FOCAD: variants seen among roughly 807,000 people sequenced by gnomAD.
FOCAD encodes KIAA1797.
Under a neutral mutation model 225.6 loss-of-function variants are expected in FOCAD, and 198 were observed. The observed-to-expected ratio is 0.88, with a 90% confidence interval of 0.78 to 0.99. The LOEUF (loss-of-function observed/expected upper bound fraction) is 0.99, where lower values mean the gene tolerates loss of function less well. FOCAD is among the 50% of genes least tolerant of loss of function. FOCAD has a pLI of 0.00. For synonymous variants in FOCAD, 897 were observed against 755.0 expected (o/e 1.19, Z -3.08); for missense variants, 2,713 against 2,123.6 (o/e 1.28, Z -5.46).
chr9:20,856,508 G>A (rs1828200212), intron 15 of FOCAD, among the ~76,000 whole-genome samples: 1 of 151,864 alleles, frequency 6.6e-6, no homozygotes, highest in Non-Finnish European at 1.5e-5. Flanking sequence ...CAAATTTATA[G>A]TTTGCAAATA....
intron 1 of FOCAD, among the ~76,000 whole-genome samples, chr9:20,701,402 T>C (rs1823931653): frequency 6.6e-6 from 1 of 152,232 alleles, no homozygotes; most frequent in Non-Finnish European, 1.5e-5. Flanking sequence ...AGCTAAGTAC[T>C]CATTTGCAGT....
intron 2 of FOCAD, among the ~76,000 whole-genome samples, chr9:20,676,638 T>G (rs981484279): frequency 1.1e-4 from 17 of 152,208 alleles, no homozygotes; most frequent in African/African-American, 4.1e-4. Flanking sequence ...CACAAACATT[T>G]GCAGGAGATA....
intron 2 of FOCAD, among the ~76,000 whole-genome samples, chr9:20,664,261 A>G (rs1821829865): frequency 6.7e-6 from 1 of 150,244 alleles, no homozygotes; most frequent in African/African-American, 2.5e-5. Flanking sequence ...TTGTGAGACA[A>G]GGTTGACTAA....
chr9:20,961,714 A>G (rs575856597), intron 35 of FOCAD, among the ~76,000 whole-genome samples: 2 of 152,170 alleles, frequency 1.3e-5, no homozygotes, highest in South Asian at 2.1e-4. Flanking sequence ...ATTATCCTCA[A>G]TATATTTACT....
intron 36 of FOCAD, among the ~76,000 whole-genome samples, chr9:20,977,507 C>T (rs1840323471): frequency 6.6e-6 from 1 of 152,272 alleles, no homozygotes; most frequent in African/African-American, 2.4e-5. Flanking sequence ...TGTACTTGTT[C>T]CCCACCCTAA....
intron 1 of FOCAD, among the ~76,000 whole-genome samples, chr9:20,699,796 A>ATATATG (rs1823775363): frequency 8.8e-6 from 1 of 114,106 alleles, no homozygotes; most frequent in Non-Finnish European, 1.8e-5. Context: ...ATATATATAT[A>ATATATG]TATATATATA....
At chr9:20,887,420 A>G (rs954502723) in intron 21 of FOCAD, among the ~76,000 whole-genome samples, 2 of 152,026 alleles carry the variant, frequency 1.3e-5, no homozygotes, top group African/African-American at 4.8e-5. Flanking sequence ...TTTTTAGTAG[A>G]GATGGAGTTT....
At chr9:20,903,031 T>C (rs1000733845) in intron 21 of FOCAD, among the ~76,000 whole-genome samples, 12 of 151,944 alleles carry the variant, frequency 7.9e-5, no homozygotes, top group African/African-American at 2.7e-4. Flanking sequence ...TTTTACTGTC[T>C]AGTTGTATGA....
chr9:20,981,729 G>T (rs759232525), intron 38 of FOCAD, 43 bp downstream of exon 38: 13 of 1,573,340 alleles, frequency 8.3e-6, no homozygotes, highest in African/African-American at 1.4e-5. Context: ...TTTATGTTTG[G>T]GATATTTTAA....
chr9:20,905,309 T>C lies in FOCAD; in HGVS notation c.2626-1841T>C, dbSNP rs76515003. Reference sequence around the variant, plus strand: ...TTAAATAGGTTTCCTGGCATGAATGTTTTCATGTTTAGAGGCTAAACATTT... The same window carrying C: ...TTAAATAGGTTTCCTGGCATGAATGCTTTCATGTTTAGAGGCTAAACATTT... On this transcript the variant is annotated intron_variant, in intron 21 of 43. Coordinates refer to ENST00000338382, the MANE Select transcript of FOCAD (RefSeq NM_001375567.1). Among the ~76,000 whole-genome samples the C allele has an allele frequency of 6.4e-3, 973 of 152,116 alleles. 8 individuals carry two copies. The highest frequency in any genetic ancestry group is 0.022 in the African/African-American group (922 of 41,520).
At chr9:20,812,323 A>G (rs541819459) in intron 11 of FOCAD, among the ~76,000 whole-genome samples, 3 of 151,278 alleles carry the variant, frequency 2.0e-5, no homozygotes, top group Admixed American at 1.3e-4. Flanking sequence ...TTTAAAAAGG[A>G]ATAGTTATAA....
chr9:20,941,161 A>G (rs1279001309), intron 28 of FOCAD, among the ~76,000 whole-genome samples: 3 of 152,204 alleles, frequency 2.0e-5, no homozygotes, highest in African/African-American at 4.8e-5. Flanking sequence ...GAATTCACCC[A>G]GAGCAAATTC....
At chr9:20,962,085 C>G (rs1237873121) in intron 35 of FOCAD, among the ~76,000 whole-genome samples, 1 of 152,090 alleles carries the variant, frequency 6.6e-6, no homozygotes, top group Non-Finnish European at 1.5e-5. Flanking sequence ...AGAAAAAAAT[C>G]GTACTCATCC....
At chr9:20,924,481 A>G (rs561075320) in intron 25 of FOCAD, among the ~76,000 whole-genome samples, 12 of 152,342 alleles carry the variant, frequency 7.9e-5, no homozygotes, top group African/African-American at 2.9e-4. Flanking sequence ...TGGAGGGATA[A>G]CAATGCTCAC....
intron 28 of FOCAD, among the ~76,000 whole-genome samples, chr9:20,938,744 T>C (rs1472370069): frequency 2.0e-5 from 3 of 151,874 alleles, no homozygotes; most frequent in African/African-American, 7.3e-5. Context: ...AAAAGAAAGA[T>C]TGTAGATATA....
At chr9:20,986,266 A>ATTTTTTTTTGTTTTTTTTTTTTTT (rs1375306588) in intron 39 of FOCAD, 22 bp from the exon 40 acceptor site, 1 of 606,560 alleles carries the variant, frequency 1.6e-6, no homozygotes, top group African/African-American at 3.3e-5. Context: ...TAACTAAACA[A>ATTTTTTTTTGTTTTTTTTTTTTTT]TTTTTTTTTT....
chr9:20,929,265 G>A (rs1287433710), intron 26 of FOCAD, 93 bp from the exon 27 acceptor site: 1 of 949,300 alleles, frequency 1.1e-6, no homozygotes, highest in Non-Finnish European at 1.6e-6. Context: ...GTGGATCTAA[G>A]AGAAGCTTGT....
chr9:20,993,221 T>C (rs754912442), intron 42 of FOCAD, 32 bp from the exon 43 acceptor site: 1 of 1,573,486 alleles, frequency 6.4e-7, no homozygotes, highest in Admixed American at 1.7e-5. Context: ...TAGGATTCTC[T>C]TCTTTGACAC....
Position 20,937,309 on chromosome 9 carries a change from C to T in FOCAD, c.3407+4206C>T, listed in dbSNP as rs796905109. On this transcript the variant is annotated intron_variant, in intron 28 of 43. Transcript: ENST00000338382. ...CAAAAGAACAAAGCTGGAGGCATCA[C>T]GCTACCTGACTTCAAACTATACTAC... Among the ~76,000 whole-genome samples the T allele has an allele frequency of 1.7e-4, 25 of 150,658 alleles. No homozygotes were observed. The East Asian group carries it at 1.9e-3, about 12-fold the overall frequency.
Sources: gnomAD v4.1 joint callset for allele counts (sites outside exome capture counted in the v4.1 genomes callset) on GRCh38, gnomAD v4.1.1 for gene constraint, MANE v1.5 for transcripts, NCBI Gene and HGNC (gene_info 2026-07-23, HGNC 2026-07-21) for gene names.